DNAJC11: variants seen among roughly 807,000 people sequenced by gnomAD.
DNAJC11 encodes DnaJ heat shock protein family (Hsp40) member C11.
A neutral mutation model predicts 78.6 loss-of-function variants in DNAJC11; 15 were observed. The ratio of observed to expected loss-of-function variants is 0.19; its 90% CI spans 0.13 to 0.29. The LOEUF is 0.29. Among genes scored for constraint, DNAJC11 ranks in the 10% least tolerant of loss-of-function variants. The pLI, the probability that DNAJC11 is intolerant of heterozygous loss-of-function variation, is 1.00. For missense variants in DNAJC11, 547 were observed against 709.6 expected, an observed-to-expected ratio of 0.77 and a Z score of 2.60; for synonymous variants, 292 against 272.1, an observed-to-expected ratio of 1.07 and a Z score of -0.72.
intron 4 of DNAJC11, among the ~76,000 whole-genome samples, chr1:6,658,642 A>G (rs532187783): frequency 3.4e-3 from 228 of 67,942 alleles, no homozygotes; most frequent in African/African-American, 8.8e-3. Flanking sequence ...TTACTCTGAC[A>G]AAAAAAATTG....
Position 6,635,630 on chromosome 1 carries a change from G to A in DNAJC11, c.*45C>T, listed in dbSNP as rs754773480. 3.7e-6 allele frequency: 6 copies of A among 1,609,952 alleles called. No homozygotes were observed. The highest frequency in any genetic ancestry group is 5.1e-6 in the Non-Finnish European group (6 of 1,177,366). ...TCATTTCCAAATTTGTAGACTCCCA[G>A]GAAAAGATTTTTTGCGGCCTTTTAA... is the stretch of plus-strand genomic sequence containing the variant. On this transcript the variant is annotated 3_prime_UTR_variant, in exon 16 of 16. Transcript: ENST00000377577.
At chr1:6,699,766 G>A (rs930677808) in intron 1 of DNAJC11, among the ~76,000 whole-genome samples, 3 of 151,570 alleles carry the variant, frequency 2.0e-5, no homozygotes, top group African/African-American at 7.3e-5. Context: ...AAAAAAAAAA[G>A]GAAAAAAAGG....
chr1:6,696,911 C>T (rs1642846539), intron 1 of DNAJC11, among the ~76,000 whole-genome samples: 1 of 152,192 alleles, frequency 6.6e-6, no homozygotes. Context: ...CTTTCAAAGA[C>T]AATGATAAAG....
Position 6,649,152 on chromosome 1 carries a change from C to A in DNAJC11, c.704+2377G>T, listed in dbSNP as rs1301678845. 8.5e-5 allele frequency among the ~76,000 whole-genome samples: 13 copies of A among 152,060 alleles called. No individual in the cohort carries two copies. In the East Asian group the frequency reaches 2.1e-3, roughly 25 times the overall value. ...GGATTGCAGGTGTGAGTCACATCGGCTCCTTTTCCTCTTCTTGTGTCTGGA... is the reference window on the plus strand; with the variant it reads ...GGATTGCAGGTGTGAGTCACATCGGATCCTTTTCCTCTTCTTGTGTCTGGA... On this transcript the variant is annotated intron_variant, in intron 7 of 15. Coordinates refer to ENST00000377577, the MANE Select transcript of DNAJC11 (RefSeq NM_018198.4).
rs540061457 is a variant in DNAJC11 at position 6,672,920 on chromosome 1, T to C, written c.277-5110A>G. On this transcript the variant is annotated intron_variant, in intron 3 of 15. Transcript: ENST00000377577. ...GCTGTTCACTGGAGCATTCACCAAC[T>C]AGGTCTATCCCTATGCTAACCAGAA... Among the ~76,000 whole-genome samples the C allele has an allele frequency of 7.9e-5, 12 of 152,192 alleles. No individual in the cohort carries two copies. The East Asian group carries it at 2.3e-3, about 29-fold the overall frequency.
At chr1:6,661,929 T>C (rs1298874898) in intron 4 of DNAJC11, among the ~76,000 whole-genome samples, 1 of 152,170 alleles carries the variant, frequency 6.6e-6, no homozygotes, top group African/African-American at 2.4e-5. Flanking sequence ...TATGGTTACA[T>C]GCCTTCCTTG....
At chr1:6,644,998 T>G in intron 9 of DNAJC11, 43 bp downstream of exon 9, 1 of 1,560,346 alleles carries the variant, frequency 6.4e-7, no homozygotes, top group Non-Finnish European at 8.8e-7. Flanking sequence ...AAGACCCGCA[T>G]GCAGTACCAG....
In DNAJC11 at chr1:6,635,236, C is replaced by T; in HGVS notation, c.*439G>A. 5.8e-6 allele frequency: 1 copy of T among 173,270 alleles called. No individual in the cohort carries two copies. Among genetic ancestry groups the T allele is most frequent in the East Asian group, 1.5e-4 (1 of 6,748 alleles). The allele number at this position is 173,270 out of a possible 1,614,324, so 10.7% of individuals were successfully genotyped here. On this transcript the variant is annotated 3_prime_UTR_variant, in exon 16 of 16. Transcript: ENST00000377577. ...CAGCAGAGGCTCCCTGACCGGGAGG[C>T]CTGCCTGCTTTTCAGGTTGTTTCCC...
intron 1 of DNAJC11, among the ~76,000 whole-genome samples, chr1:6,695,359 T>C (rs1642818157): frequency 6.6e-6 from 1 of 151,772 alleles, no homozygotes; most frequent in Non-Finnish European, 1.5e-5. Context: ...GAAATAACAA[T>C]ATATATTAAC....
chr1:6,645,055 C>G lies in DNAJC11; in HGVS notation c.966G>C (p.Val322=). Residue 322 remains valine (V), a synonymous_variant, in exon 9 of 16, where the codon GTG becomes GTC. Coordinates refer to ENST00000377577, the MANE Select transcript of DNAJC11 (RefSeq NM_018198.4). The surrounding 1 kb of genome is among the most constrained non-coding windows in gnomAD (Gnocchi z 4.1). ...CCAGGACTTACTTGAGGGATCCTTT[C>G]ACACGAGTCTGATCGTCATCTTGGA... is the stretch of plus-strand genomic sequence containing the variant. ...HKFQDDDQTR[V]KGSLKAGFFG... is the part of the protein sequence containing the mutation. The G allele has an allele frequency of 1.2e-6, 2 of 1,614,120 alleles. No homozygotes were observed. Among genetic ancestry groups the G allele is most frequent in the Non-Finnish European group, 1.7e-6 (2 of 1,179,978 alleles).
chr1:6,665,071 CCTT>C (rs1442478399), intron 4 of DNAJC11, among the ~76,000 whole-genome samples: 1 of 152,042 alleles, frequency 6.6e-6, no homozygotes, highest in Non-Finnish European at 1.5e-5. Flanking sequence ...TCAAAAGTGT[CCTT>C]CTGTTTTTGT....
At chr1:6,670,761 G>A (rs968469372) in intron 3 of DNAJC11, 1 of 152,086 alleles carries the variant, frequency 6.6e-6, no homozygotes, top group Non-Finnish European at 1.5e-5. Context: ...AACAAGATGC[G>A]TTCCCGCTGC....
At chr1:6,666,385 CTTTTTTT>C (rs767579276) in intron 4 of DNAJC11, among the ~76,000 whole-genome samples, 11 of 120,618 alleles carry the variant, frequency 9.1e-5, no homozygotes, top group South Asian at 2.6e-4. Context: ...TCTTTCTTTT[CTTTTTTT>C]TTTTTTTTTT....
chr1:6,681,204 G>A (rs1429852255), intron 1 of DNAJC11, among the ~76,000 whole-genome samples, 167 bp from the exon 2 acceptor site: 2 of 152,128 alleles, frequency 1.3e-5, no homozygotes, highest in East Asian at 1.9e-4. Flanking sequence ...GCTTCTTTTT[G>A]CCAGTTAATA....
chr1:6,689,693 TTGAACCCAGGAGGCGGA>T, intron 1 of DNAJC11, among the ~76,000 whole-genome samples: 1 of 151,858 alleles, frequency 6.6e-6, no homozygotes, highest in South Asian at 2.1e-4. Context: ...GGAGAATTGC[TTGAACCCAGGAGGCGGA>T]GGTTGTGGTG....
chr1:6,637,055 G>A (rs1017047680), intron 14 of DNAJC11, 143 bp downstream of exon 14: 6 of 1,065,044 alleles, frequency 5.6e-6, no homozygotes, highest in African/African-American at 4.7e-5. Flanking sequence ...TTGCCATGTT[G>A]CCTAGGCTGA....
intron 7 of DNAJC11, among the ~76,000 whole-genome samples, 158 bp from the exon 8 acceptor site, chr1:6,646,136 C>A (rs1641961732): frequency 6.6e-6 from 1 of 152,060 alleles, no homozygotes; most frequent in Admixed American, 6.6e-5. Context: ...AGGCCTCTAT[C>A]CACACAGAGG....
chr1:6,679,412 AAACGATATCCCAACTG>A (rs1210610447), intron 2 of DNAJC11, among the ~76,000 whole-genome samples: 4 of 152,188 alleles, frequency 2.6e-5, no homozygotes, highest in African/African-American at 4.8e-5. Flanking sequence ...AGGGCTGTTC[AAACGATATCCCAACTG>A]AACGATATCC....
Position 6,634,268 on chromosome 1 carries a change from G to A in DNAJC11, c.*1407C>T, listed in dbSNP as rs757022375. On this transcript the variant is annotated 3_prime_UTR_variant, in exon 16 of 16. Coordinates refer to ENST00000377577, the MANE Select transcript of DNAJC11 (RefSeq NM_018198.4). ...GCCCAGAAGCACCTGCGGCAGAGGC[G>A]CACGGGAAGCCCGGGGCCCAGGCTC... 1.5e-5 allele frequency: 13 copies of A among 856,400 alleles called. No individual in the cohort carries two copies. Among genetic ancestry groups the A allele is most frequent in the Non-Finnish European group, 1.4e-5 (8 of 568,700 alleles). The allele number at this position is 856,400 out of a possible 1,614,324, so 53.1% of individuals were successfully genotyped here.
Sources: gnomAD v4.1 joint callset for allele counts (sites outside exome capture counted in the v4.1 genomes callset) on GRCh38, gnomAD v4.1.1 for gene constraint, Gnocchi (gnomAD v3.1) non-coding constraint, MANE v1.5 for transcripts, NCBI Gene and HGNC (gene_info 2026-07-23, HGNC 2026-07-21) for gene names.